The following NAA15 variants were observed in gnomAD, a reference collection of about 807,000 sequenced individuals.
NAA15 encodes the protein N-terminal acetyltransferase.
In NAA15, 34 loss-of-function variants were observed where a neutral mutation model predicts 114.0. The observed-to-expected ratio is 0.30, with a 90% confidence interval of 0.23 to 0.40. NAA15 has a LOEUF of 0.40. Ranked by LOEUF, NAA15 falls within the 10% of genes least tolerant of loss-of-function variation. The probability of loss-of-function intolerance (pLI) is 1.00; values close to 1 mark genes in which losing one functional copy is unlikely to be tolerated. For synonymous variants in NAA15, 340 were observed against 338.0 expected, an observed-to-expected ratio of 1.01 and a Z score of -0.06; for missense variants, 658 against 1,004.5, an observed-to-expected ratio of 0.66 and a Z score of 4.66.
At chr4:139,312,858 A>G (rs911413986) in intron 1 of NAA15, among the ~76,000 whole-genome samples, 2 of 151,818 alleles carry the variant, frequency 1.3e-5, no homozygotes, top group Admixed American at 6.6e-5. Flanking sequence ...GGGGAAAAAA[A>G]AAGTAAAATA....
intron 17 of NAA15, among the ~76,000 whole-genome samples, chr4:139,382,775 C>T (rs1439526982): frequency 1.3e-5 from 2 of 152,064 alleles, no homozygotes; most frequent in African/African-American, 2.4e-5. Context: ...ACTTGAACCA[C>T]CCAGTTTTAT....
chr4:139,360,366 C>A, intron 12 of NAA15, 134 bp from the exon 13 acceptor site: 1 of 629,376 alleles, frequency 1.6e-6, no homozygotes, highest in Non-Finnish European at 2.5e-6. Context: ...CCCATGTTAA[C>A]TATTCTTTAA....
At chr4:139,321,162 T>A (rs929315928) in intron 1 of NAA15, among the ~76,000 whole-genome samples, 1 of 152,116 alleles carries the variant, frequency 6.6e-6, no homozygotes. Context: ...TTTTTTCTAT[T>A]TAATCGACTC....
At chr4:139,328,465 T>C (rs1194387640) in intron 1 of NAA15, among the ~76,000 whole-genome samples, 3 of 152,066 alleles carry the variant, frequency 2.0e-5, no homozygotes, top group Admixed American at 1.3e-4. Flanking sequence ...GCTGTGGCCT[T>C]CCAAAGTGCT....
chr4:139,342,426 G>T (rs892666701), intron 4 of NAA15, among the ~76,000 whole-genome samples: 1 of 149,008 alleles, frequency 6.7e-6, no homozygotes, highest in Non-Finnish European at 1.5e-5. Flanking sequence ...TTCTATTATT[G>T]TTCCCATCAT....
intron 16 of NAA15, among the ~76,000 whole-genome samples, chr4:139,377,749 T>C (rs1209458226): frequency 2.0e-5 from 3 of 152,220 alleles, no homozygotes; most frequent in African/African-American, 7.2e-5. Context: ...AATAATTTAC[T>C]GTATTTTCTA....
intron 6 of NAA15, among the ~76,000 whole-genome samples, 177 bp downstream of exon 6, chr4:139,344,516 T>C (rs1346897730): frequency 6.6e-6 from 1 of 152,110 alleles, no homozygotes; most frequent in Non-Finnish European, 1.5e-5. Context: ...TTAAACAATA[T>C]TGTAGATAGA....
chr4:139,326,161 T>C (rs7690553), intron 1 of NAA15, among the ~76,000 whole-genome samples: 81,821 of 151,978 alleles, frequency 0.54, 24,315 homozygotes, highest in African/African-American at 0.81. Flanking sequence ...GTAAAATGTT[T>C]TAGGCACTAG....
chr4:139,340,079 T>G (rs779851919), intron 3 of NAA15, among the ~76,000 whole-genome samples: 2 of 152,200 alleles, frequency 1.3e-5, no homozygotes, highest in African/African-American at 2.4e-5. Context: ...CCCCGCACTT[T>G]GGGAGGCCAA....
chr4:139,353,959 C>G, intron 9 of NAA15, 67 bp from the exon 10 acceptor site: 1 of 1,249,700 alleles, frequency 8.0e-7, no homozygotes, highest in Non-Finnish European at 1.2e-6. Flanking sequence ...GAAAATAACA[C>G]ATTTTGCATA....
At chr4:139,325,606 A>G (rs533852613) in intron 1 of NAA15, among the ~76,000 whole-genome samples, 3 of 152,356 alleles carry the variant, frequency 2.0e-5, no homozygotes, top group South Asian at 2.1e-4. Context: ...AAAATCAGCT[A>G]TGTAAAATAA....
chr4:139,318,786 G>A (rs572997478), intron 1 of NAA15, among the ~76,000 whole-genome samples: 1 of 152,208 alleles, frequency 6.6e-6, no homozygotes, highest in African/African-American at 2.4e-5. Flanking sequence ...CCCGGAAAGT[G>A]GAGGTTGCAG....
At position 139,388,256 on chromosome 4, in the gene NAA15, C is replaced by A; in HGVS notation, c.*172C>A. 1 of 536,484 alleles carries A rather than the reference C, an allele frequency of 1.9e-6. No homozygotes were observed. The highest frequency in any genetic ancestry group is 2.7e-5 in the South Asian group (1 of 36,548). 33.2% of individuals were successfully genotyped at this position (536,484 alleles called of 1,614,324 possible). On this transcript the variant is annotated 3_prime_UTR_variant, in exon 20 of 20. Transcript: ENST00000296543. ...TGCTGAAAAAGTATATATAAAATAT[C>A]TAACATTACAGGATAGAGGTTCAGT...
intron 6 of NAA15, among the ~76,000 whole-genome samples, chr4:139,345,105 G>A (rs998159131): frequency 6.6e-6 from 1 of 152,204 alleles, no homozygotes; most frequent in African/African-American, 2.4e-5. Flanking sequence ...TCACCTTGAG[G>A]TTGAACACAA....
At chr4:139,324,065 G>C (rs1412370155) in intron 1 of NAA15, among the ~76,000 whole-genome samples, 2 of 151,960 alleles carry the variant, frequency 1.3e-5, no homozygotes, top group African/African-American at 4.8e-5. Context: ...TGTATTTTTT[G>C]TAGAGACAGG....
chr4:139,351,121 G>C (rs1489506548), intron 7 of NAA15, 70 bp from the exon 8 acceptor site: 1 of 739,826 alleles, frequency 1.4e-6, no homozygotes, highest in Non-Finnish European at 2.1e-6. Context: ...ACTTTGAGAA[G>C]TTCGTAATTT....
At chr4:139,345,882 C>T (rs1156724474) in intron 6 of NAA15, among the ~76,000 whole-genome samples, 1 of 151,898 alleles carries the variant, frequency 6.6e-6, no homozygotes, top group Non-Finnish European at 1.5e-5. Flanking sequence ...GATTGTGCCA[C>T]TGCACTCCAG....
chr4:139,382,110 A>G (rs146524007), intron 17 of NAA15, among the ~76,000 whole-genome samples: 73 of 152,260 alleles, frequency 4.8e-4, no homozygotes, highest in African/African-American at 1.6e-3. Context: ...ATAATCTGTG[A>G]CATATGATGT....
intron 1 of NAA15, among the ~76,000 whole-genome samples, chr4:139,317,406 G>A (rs1181982918): frequency 6.6e-6 from 1 of 152,066 alleles, no homozygotes; most frequent in African/African-American, 2.4e-5. Context: ...GGTAGATCAC[G>A]AGGTCAAGAG....
Sources: allele counts gnomAD v4.1 joint callset (sites outside exome capture counted in the v4.1 genomes callset), GRCh38; gene constraint gnomAD v4.1.1; transcripts MANE v1.5; gene names NCBI Gene and HGNC (gene_info 2026-07-23, HGNC 2026-07-21).